The following ASXL2 variants were observed in gnomAD, a reference collection of about 807,000 sequenced individuals.
The protein encoded by ASXL2 is putative Polycomb group protein ASXL2.
ASXL2 carries 23 observed loss-of-function variants against 122.0 expected under a neutral mutation model. That is an observed-to-expected ratio of 0.19 (90% CI 0.14 to 0.27). The LOEUF is 0.27. ASXL2 is among the 10% of genes least tolerant of loss of function. The pLI, the probability that ASXL2 is intolerant of heterozygous loss-of-function variation, is 1.00. For synonymous variants in ASXL2, 650 were observed against 637.0 expected, an observed-to-expected ratio of 1.02 and a Z score of -0.31; for missense variants, 1,518 against 1,713.8, an observed-to-expected ratio of 0.89 and a Z score of 2.02.
chr2:25,869,551 G>C (rs1464418564), intron 1 of ASXL2, among the ~76,000 whole-genome samples: 1 of 152,194 alleles, frequency 6.6e-6, no homozygotes, highest in Non-Finnish European at 1.5e-5. Flanking sequence ...GCCGGGTGCA[G>C]TGGCTCATGC....
chr2:25,805,460 TTC>T (rs1452217884), intron 4 of ASXL2, among the ~76,000 whole-genome samples: 3 of 152,076 alleles, frequency 2.0e-5, no homozygotes, highest in Non-Finnish European at 2.9e-5. Flanking sequence ...GTAATCATAT[TTC>T]TTTTTCCTGT....
At chr2:25,763,849 G>A (rs1022109290) in intron 8 of ASXL2, among the ~76,000 whole-genome samples, 1 of 152,140 alleles carries the variant, frequency 6.6e-6, no homozygotes, top group African/African-American at 2.4e-5. Context: ...AAACCCAGGC[G>A]ATTTGATTTT....
intron 5 of ASXL2, among the ~76,000 whole-genome samples, chr2:25,786,637 T>G (rs2088752468): frequency 1.3e-5 from 2 of 152,160 alleles, no homozygotes; most frequent in Admixed American, 1.3e-4. Flanking sequence ...GTGGATCACT[T>G]GAGGCCAGGA....
At chr2:25,790,432 A>AT (rs2088813716) in intron 5 of ASXL2, among the ~76,000 whole-genome samples, 1 of 151,374 alleles carries the variant, frequency 6.6e-6, no homozygotes, top group African/African-American at 2.4e-5. Context: ...AAAAAAAAAC[A>AT]TAAAAAAAGG....
intron 5 of ASXL2, among the ~76,000 whole-genome samples, chr2:25,779,460 A>G (rs757565224): frequency 7.2e-5 from 11 of 152,076 alleles, no homozygotes; most frequent in Non-Finnish European, 1.5e-4. Flanking sequence ...TAATATTACT[A>G]TAATTATTGA....
chr2:25,848,936 C>T (rs2089682859), intron 1 of ASXL2, among the ~76,000 whole-genome samples: 1 of 150,362 alleles, frequency 6.7e-6, no homozygotes, highest in Non-Finnish European at 1.5e-5. Flanking sequence ...GTCCCGGCTA[C>T]TACGGAGGCT....
At chr2:25,752,704 A>G (rs2149142353) in intron 11 of ASXL2, among the ~76,000 whole-genome samples, 1 of 151,906 alleles carries the variant, frequency 6.6e-6, no homozygotes, top group African/African-American at 2.4e-5. Flanking sequence ...AAAATTTGCC[A>G]GGTGTGGTGG....
intron 9 of ASXL2, among the ~76,000 whole-genome samples, chr2:25,757,674 CAAAAA>C (rs60732948): frequency 5.6e-5 from 2 of 35,818 alleles, no homozygotes; most frequent in Non-Finnish European, 9.1e-5. Context: ...GACTCCATCT[CAAAAA>C]AAAAAAAAAA....
chr2:25,805,754 C>A (rs1198845290), intron 4 of ASXL2, among the ~76,000 whole-genome samples: 1 of 152,132 alleles, frequency 6.6e-6, no homozygotes, highest in Non-Finnish European at 1.5e-5. Context: ...TGGCTCACTG[C>A]AACCTCCGCC....
chr2:25,818,132 T>C (rs1181117157), intron 3 of ASXL2, among the ~76,000 whole-genome samples: 4 of 152,234 alleles, frequency 2.6e-5, no homozygotes, highest in African/African-American at 9.6e-5. Context: ...TGCAAACCTA[T>C]GATAGAATGG....
At chr2:25,850,368 T>C (rs942360388) in intron 1 of ASXL2, among the ~76,000 whole-genome samples, 2 of 152,252 alleles carry the variant, frequency 1.3e-5, no homozygotes, top group African/African-American at 4.8e-5. Flanking sequence ...TATGGGTTTC[T>C]CTCACTTTTT....
chr2:25,747,090 G>A (rs997204361), intron 12 of ASXL2, among the ~76,000 whole-genome samples: 1 of 152,090 alleles, frequency 6.6e-6, no homozygotes, highest in Non-Finnish European at 1.5e-5. Flanking sequence ...TATATAAATT[G>A]TTATACTGTA....
At chr2:25,817,491 A>G (rs746223940) in intron 3 of ASXL2, among the ~76,000 whole-genome samples, 5 of 152,222 alleles carry the variant, frequency 3.3e-5, no homozygotes, top group Non-Finnish European at 5.9e-5. Context: ...ATTCCTACTT[A>G]AAAGTTTTTC....
At chr2:25,855,916 C>A (rs942278491) in intron 1 of ASXL2, among the ~76,000 whole-genome samples, 3 of 104,462 alleles carry the variant, frequency 2.9e-5, no homozygotes, top group African/African-American at 1.1e-4. Context: ...TATTTAGAGA[C>A]AGAGTCTCGC....
intron 5 of ASXL2, among the ~76,000 whole-genome samples, chr2:25,790,985 C>T (rs1476272239): frequency 6.6e-6 from 1 of 151,590 alleles, no homozygotes; most frequent in Non-Finnish European, 1.5e-5. Context: ...TATTTAGAGA[C>T]AAGGTCTCAC....
rs184432376 is a variant in ASXL2, at chr2:25,801,023, C to T, written c.253-1488G>A. Among the ~76,000 whole-genome samples, 439 of 152,252 alleles carry T rather than the reference C, an allele frequency of 2.9e-3. 3 individuals are homozygous for T. The highest frequency in any genetic ancestry group is 3.4e-3 in the Non-Finnish European group (231 of 68,008). ...CTCACTGTAGCCTCGACCTCCCAGG[C>T]GCAAGCAATCTTCCCACCTCAGCCT... On this transcript the variant is annotated intron_variant, in intron 4 of 12. Coordinates refer to ENST00000435504, the MANE Select transcript of ASXL2 (RefSeq NM_018263.6).
At chr2:25,765,291 C>T (rs529192020) in intron 8 of ASXL2, among the ~76,000 whole-genome samples, 2 of 152,034 alleles carry the variant, frequency 1.3e-5, no homozygotes, top group African/African-American at 2.4e-5. Flanking sequence ...CAAGACCATC[C>T]TGGCTAACAC....
chr2:25,797,885 C>T (rs2088934197), intron 5 of ASXL2, among the ~76,000 whole-genome samples: 1 of 152,220 alleles, frequency 6.6e-6, no homozygotes, highest in African/African-American at 2.4e-5. Flanking sequence ...CACTCCTTAG[C>T]ATTTACCCAA....
chr2:25,736,987 A>G lies in ASXL2; in HGVS notation c.*5042T>C, dbSNP rs1371898115. The G allele has an allele frequency of 6.6e-6, 1 of 152,204 alleles. No homozygotes were observed. The highest frequency in any genetic ancestry group is 2.4e-5 in the African/African-American group (1 of 41,460). 9.4% of individuals were successfully genotyped at this position (152,204 alleles called of 1,614,324 possible). On this transcript the variant is annotated 3_prime_UTR_variant, in exon 13 of 13. Transcript: ENST00000435504. ...TCGTGGATTAGACAGCAATCTCGGT[A>G]TGGGAACATAGACAACCTCTCCTAC...
Sources: allele counts gnomAD v4.1 joint callset (sites outside exome capture counted in the v4.1 genomes callset), GRCh38; gene constraint gnomAD v4.1.1; transcripts MANE v1.5; gene names NCBI Gene and HGNC (gene_info 2026-07-23, HGNC 2026-07-21).